INTS2: variants seen among roughly 807,000 people sequenced by gnomAD.
The protein encoded by INTS2 is integrator complex subunit 2, also known as KIAA1287.
INTS2 carries 57 observed loss-of-function variants against 139.6 expected under a neutral mutation model. That is an observed-to-expected ratio of 0.41 (90% CI 0.33 to 0.51). The LOEUF is 0.51. INTS2 is among the 20% of genes least tolerant of loss of function. The pLI, the probability that INTS2 is intolerant of heterozygous loss-of-function variation, is 0.28. For missense variants in INTS2, 1,196 were observed against 1,436.7 expected (o/e 0.83, Z 2.71); for synonymous variants, 473 against 493.4 (o/e 0.96, Z 0.55).
intron 9 of INTS2, among the ~76,000 whole-genome samples, chr17:61,903,174 G>GAAAAAA (rs551514700): frequency 6.7e-5 from 4 of 59,954 alleles, no homozygotes; most frequent in Admixed American, 1.9e-4. Flanking sequence ...CTCAAAAAAG[G>GAAAAAA]AAAAAAAAAA....
intron 13 of INTS2, 135 bp from the exon 14 acceptor site, chr17:61,891,824 T>A: frequency 1.6e-6 from 1 of 607,838 alleles, no homozygotes; most frequent in Non-Finnish European, 2.8e-6. Context: ...GTTCCAAATA[T>A]ATTATCTAGT....
chr17:61,925,514 T>C (rs1289361506), intron 2 of INTS2, among the ~76,000 whole-genome samples: 1 of 151,056 alleles, frequency 6.6e-6, no homozygotes, highest in Non-Finnish European at 1.5e-5. Flanking sequence ...GAGGTGGAGG[T>C]TGCAGTGAGC....
At chr17:61,917,785 T>G (rs1406643521) in intron 5 of INTS2, among the ~76,000 whole-genome samples, 1 of 151,694 alleles carries the variant, frequency 6.6e-6, no homozygotes, top group Non-Finnish European at 1.5e-5. Context: ...AAATAAAACT[T>G]CGAATTTTTT....
intron 17 of INTS2, among the ~76,000 whole-genome samples, chr17:61,880,779 G>C (rs2079170589): frequency 6.9e-6 from 1 of 144,456 alleles, no homozygotes; most frequent in South Asian, 2.4e-4. Context: ...AGGGAAAAGG[G>C]GGAAAGGGGG....
intron 5 of INTS2, among the ~76,000 whole-genome samples, chr17:61,913,248 G>A (rs72843759): frequency 0.067 from 10,104 of 151,184 alleles, 591 homozygotes; most frequent in South Asian, 0.3. Context: ...TGAGGCAGGA[G>A]AACTGCTTTA....
At chr17:61,918,595 A>G (rs2079606264) in intron 5 of INTS2, among the ~76,000 whole-genome samples, 2 of 152,142 alleles carry the variant, frequency 1.3e-5, no homozygotes. Flanking sequence ...CAAAATCAGG[A>G]ATTATAACTC....
intron 11 of INTS2, among the ~76,000 whole-genome samples, chr17:61,896,541 A>G (rs1259526416): frequency 6.6e-6 from 1 of 152,188 alleles, no homozygotes; most frequent in East Asian, 1.9e-4. Flanking sequence ...AAGATGTATA[A>G]GGCATAATGA....
At chr17:61,926,095 C>T (rs374113232) in intron 2 of INTS2, among the ~76,000 whole-genome samples, 2 of 152,084 alleles carry the variant, frequency 1.3e-5, no homozygotes, top group East Asian at 3.8e-4. Flanking sequence ...AGTTACCCTA[C>T]CTACTTCCCA....
chr17:61,877,330 A>AT (rs1277035881), intron 18 of INTS2, among the ~76,000 whole-genome samples: 2 of 152,218 alleles, frequency 1.3e-5, no homozygotes, highest in Non-Finnish European at 2.9e-5. Flanking sequence ...CTTGTATACT[A>AT]TTTATAGCCC....
chr17:61,892,927 T>G (rs1334296943), intron 13 of INTS2, among the ~76,000 whole-genome samples: 2 of 140,202 alleles, frequency 1.4e-5, no homozygotes, highest in Non-Finnish European at 3.0e-5. Flanking sequence ...GCACTCCAGC[T>G]TGGGCAACAA....
chr17:61,890,586 G>A (rs2079280461), intron 14 of INTS2, among the ~76,000 whole-genome samples: 1 of 148,844 alleles, frequency 6.7e-6, no homozygotes, highest in South Asian at 2.2e-4. Flanking sequence ...CTCCGGTCGG[G>A]GCAACAGAGT....
intron 9 of INTS2, among the ~76,000 whole-genome samples, chr17:61,903,598 A>G (rs113897604): frequency 2.0e-5 from 3 of 152,188 alleles, no homozygotes; most frequent in African/African-American, 7.2e-5. Context: ...TTGAGGTTAC[A>G]TGAATGGTAC....
intron 5 of INTS2, among the ~76,000 whole-genome samples, chr17:61,915,979 C>T (rs1257239412): frequency 6.6e-6 from 1 of 151,956 alleles, no homozygotes; most frequent in African/African-American, 2.4e-5. Flanking sequence ...TGATTTTCCA[C>T]AAAATTAGAA....
At chr17:61,921,099 C>T (rs1019173324) in intron 4 of INTS2, 1 of 152,174 alleles carries the variant, frequency 6.6e-6, no homozygotes, top group Non-Finnish European at 1.5e-5. Flanking sequence ...TTTCTGTCCT[C>T]TTTTATTTCT....
chr17:61,867,331 T>A lies in INTS2; in HGVS notation c.*226A>T. ...CCAGTGGAAAAAAAAAAAGCTCAGC[T>A]GCTACAATAGAAACATATCAGCAAA... On this transcript the variant is annotated 3_prime_UTR_variant, in exon 25 of 25. Transcript: ENST00000251334. This position sits in a 1 kb window ranked among gnomAD's most constrained non-coding sequence, Gnocchi z 5.6. The A allele has an allele frequency of 3.3e-6, 1 of 307,592 alleles. No homozygotes were observed. The highest frequency in any genetic ancestry group is 5.9e-6 in the Non-Finnish European group (1 of 169,168). The allele number at this position is 307,592 out of a possible 1,614,324, so 19.1% of individuals were successfully genotyped here.
rs1356279244 is a variant in INTS2 at position 61,889,788 on chromosome 17, A to G, written c.1982T>C (p.Leu661Ser). 2.6e-6 allele frequency: 4 copies of G among 1,532,664 alleles called. No homozygotes were observed. Among genetic ancestry groups the G allele is most frequent in the South Asian group, 1.1e-5 (1 of 87,688 alleles). The allele number at this position is 1,532,664 out of a possible 1,614,324, so 94.9% of individuals were successfully genotyped here. A position where few individuals can be genotyped will look rare whatever the true frequency, so the allele number is the denominator to read the frequency against. Residue 661 changes from leucine (L) to serine (S), a missense_variant and splice_region_variant, in exon 15 of 25, where the codon TTA (leucine) becomes TCA (serine). This residue lies in a region of INTS2 where 1,129 missense variants were observed against 1,341.9 expected (regional missense o/e 0.84). Coordinates refer to ENST00000251334, the MANE Select transcript of INTS2 (RefSeq NM_001351695.2). ...CCACTCCTCTACGTACAACTTACCT[A>G]AAGTCTTCGTGTTTGCTAGAAGAGC... ...EEALLANTKTLAAMQRKPKSY... is the reference protein window; with the variant it reads ...EEALLANTKTSAAMQRKPKSY...
At chr17:61,895,121 G>C (rs2079334027) in intron 12 of INTS2, among the ~76,000 whole-genome samples, 194 bp downstream of exon 12, 1 of 151,962 alleles carries the variant, frequency 6.6e-6, no homozygotes, top group South Asian at 2.1e-4. Flanking sequence ...AGATGCCTTG[G>C]TATGTTATGA....
At chr17:61,902,695 G>A (rs949928975) in intron 9 of INTS2, among the ~76,000 whole-genome samples, 33 of 151,092 alleles carry the variant, frequency 2.2e-4, no homozygotes, top group African/African-American at 5.8e-4. Context: ...GCAACACAGC[G>A]AAACACTGTC....
chr17:61,901,573 ATTTCTTTTTTTTTTT>A (rs1401237454), intron 9 of INTS2, among the ~76,000 whole-genome samples: 1 of 80,166 alleles, frequency 1.2e-5, no homozygotes, highest in Non-Finnish European at 2.4e-5. Context: ...AGGCAGAATG[ATTTCTTTTTTTTTTT>A]TTTTTTTTTT....
Sources: gnomAD v4.1 joint callset for allele counts (sites outside exome capture counted in the v4.1 genomes callset) on GRCh38, gnomAD v4.1.1 for gene constraint, gnomAD v4.1.1 regional missense constraint, Gnocchi (gnomAD v3.1) non-coding constraint, MANE v1.5 for transcripts, NCBI Gene and HGNC (gene_info 2026-07-23, HGNC 2026-07-21) for gene names.